TBC1D32: variants seen among roughly 807,000 people sequenced by gnomAD.
TBC1D32 encodes TBC1 domain family member 32.
A neutral mutation model predicts 170.3 loss-of-function variants in TBC1D32; 151 were observed. That is an observed-to-expected ratio of 0.89 (90% confidence interval 0.78 to 1.01). The LOEUF (loss-of-function observed/expected upper bound fraction) is 1.01, where lower values mean the gene tolerates loss of function less well. Among genes scored for constraint, TBC1D32 ranks in the 50% least tolerant of loss-of-function variants. The probability of loss-of-function intolerance (pLI) is 0.00; values close to 1 mark genes in which losing one functional copy is unlikely to be tolerated. For synonymous variants in TBC1D32, 498 were observed against 488.0 expected (o/e 1.02, Z -0.27); for missense variants, 1,464 against 1,457.1 (o/e 1.00, Z -0.08).
chr6:121,278,353 A>T (rs1802523499), intron 15 of TBC1D32, among the ~76,000 whole-genome samples: 1 of 152,168 alleles, frequency 6.6e-6, no homozygotes, highest in African/African-American at 2.4e-5. Context: ...AATAAATATT[A>T]GCAAATGAAA....
At chr6:121,216,758 G>A (rs12055504) in intron 21 of TBC1D32, among the ~76,000 whole-genome samples, 5 of 152,292 alleles carry the variant, frequency 3.3e-5, no homozygotes, top group Admixed American at 3.3e-4. Flanking sequence ...GATGAACTCA[G>A]AGATTCTGTC....
At chr6:121,333,353 TGG>T (rs779160460) in intron 1 of TBC1D32, among the ~76,000 whole-genome samples, 6 of 152,192 alleles carry the variant, frequency 3.9e-5, no homozygotes, top group Non-Finnish European at 8.8e-5. Flanking sequence ...CTACCTCAAA[TGG>T]CACTTCTATC....
chr6:121,250,960 G>A (rs1242800212), intron 17 of TBC1D32, among the ~76,000 whole-genome samples: 2 of 152,048 alleles, frequency 1.3e-5, no homozygotes, highest in Non-Finnish European at 2.9e-5. Context: ...GTCAAATCAT[G>A]AGTGAACTCC....
At chr6:121,213,590 G>A (rs1367000225) in intron 21 of TBC1D32, among the ~76,000 whole-genome samples, 2 of 149,210 alleles carry the variant, frequency 1.3e-5, no homozygotes, top group African/African-American at 4.9e-5. Context: ...CAGCAAACCA[G>A]GAAGATGAAA....
At chr6:121,129,857 G>A (rs1781238858) in intron 25 of TBC1D32, 1 of 429,870 alleles carries the variant, frequency 2.3e-6, no homozygotes, top group Non-Finnish European at 4.6e-6. Flanking sequence ...GAAAGCAACA[G>A]GAAGAACATA....
At chr6:121,196,506 T>C (rs981207711) in intron 22 of TBC1D32, among the ~76,000 whole-genome samples, 2 of 152,194 alleles carry the variant, frequency 1.3e-5, no homozygotes, top group African/African-American at 4.8e-5. Flanking sequence ...GGTTTGCCTA[T>C]CCTGCACACA....
chr6:121,197,287 CA>C (rs1269339702), intron 22 of TBC1D32, among the ~76,000 whole-genome samples: 1 of 152,134 alleles, frequency 6.6e-6, no homozygotes, highest in African/African-American at 2.4e-5. Flanking sequence ...GGCAGGACTA[CA>C]AATGGTCCAG....
At chr6:121,103,801 C>T (rs529099753) in intron 30 of TBC1D32, among the ~76,000 whole-genome samples, 25 of 151,718 alleles carry the variant, frequency 1.6e-4, no homozygotes, top group Non-Finnish European at 2.7e-4. Flanking sequence ...ATTACACTAA[C>T]GTAGATTAGA....
chr6:121,266,028 T>C (rs532439562), intron 15 of TBC1D32, among the ~76,000 whole-genome samples: 1 of 152,140 alleles, frequency 6.6e-6, no homozygotes, highest in East Asian at 1.9e-4. Context: ...GATTTTATGA[T>C]GAAATCGCAA....
chr6:121,177,370 A>G (rs895374885), intron 22 of TBC1D32, among the ~76,000 whole-genome samples: 4 of 152,122 alleles, frequency 2.6e-5, no homozygotes, highest in Non-Finnish European at 4.4e-5. Context: ...CCTGCCATGT[A>G]GGACGCTTGC....
chr6:121,114,025 T>G (rs1406304283), intron 27 of TBC1D32, among the ~76,000 whole-genome samples: 2 of 152,000 alleles, frequency 1.3e-5, no homozygotes, highest in Non-Finnish European at 2.9e-5. Flanking sequence ...AATACAAAAA[T>G]TAGCTGGGCA....
chr6:121,236,502 A>G (rs1796342830), intron 20 of TBC1D32, among the ~76,000 whole-genome samples: 1 of 152,120 alleles, frequency 6.6e-6, no homozygotes, highest in Non-Finnish European at 1.5e-5. Context: ...TAAAAGACCA[A>G]ATTAGATTAT....
rs530144151 is a variant in TBC1D32 at position 121,291,849 on chromosome 6, T to TAA, written c.1372+202_1372+203dup. 5.8e-4 allele frequency among the ~76,000 whole-genome samples: 85 copies of TAA among 145,962 alleles called. 1 individual carries two copies. In the East Asian group the frequency reaches 0.012, roughly 21 times the overall value. On this transcript the variant is annotated intron_variant, in intron 12 of 31. Transcript: ENST00000398212. The stretch of plus-strand genomic sequence containing the variant: ...TCCCTAAAGGCTGAAGGAATAATAA[T>TAA]AAAAAAAAAATACATGTAGAAAGAA...
At chr6:121,118,201 T>C (rs888283696) in intron 26 of TBC1D32, among the ~76,000 whole-genome samples, 4 of 152,106 alleles carry the variant, frequency 2.6e-5, no homozygotes, top group African/African-American at 9.7e-5. Flanking sequence ...AGACATAGAC[T>C]TAAAAATATT....
At chr6:121,254,088 C>T (rs1422550661) in intron 17 of TBC1D32, among the ~76,000 whole-genome samples, 1 of 151,878 alleles carries the variant, frequency 6.6e-6, no homozygotes, top group Non-Finnish European at 1.5e-5. Flanking sequence ...TCTTTTGCAC[C>T]AAGTTGGATG....
rs114838725 is a variant in TBC1D32 at position 121,242,288 on chromosome 6, G to C, written c.2070C>G (p.Thr690=). 6.2e-7 allele frequency: 1 copy of C among 1,612,382 alleles called. No individual in the cohort carries two copies. The highest frequency in any genetic ancestry group is 1.3e-5 in the African/African-American group (1 of 74,800). ...TTTGAAGAAGTAGTAATCCTTTGGG[G>C]GTGGCAGCAAAATGTAGTAAATCAT... ...LLDDLLHFAA[T]PKGLLLLQRT... Residue 690 remains threonine (T), a synonymous_variant, in exon 18 of 32, where the codon ACC becomes ACG. Transcript: ENST00000398212.
At chr6:121,202,518 G>A (rs1012997316) in intron 22 of TBC1D32, among the ~76,000 whole-genome samples, 1 of 151,336 alleles carries the variant, frequency 6.6e-6, no homozygotes, top group Non-Finnish European at 1.5e-5. Context: ...TAAAGTCAAT[G>A]TCAAATCAAA....
chr6:121,182,472 T>C (rs1788657521), intron 22 of TBC1D32, among the ~76,000 whole-genome samples: 1 of 152,080 alleles, frequency 6.6e-6, no homozygotes, highest in African/African-American at 2.4e-5. Context: ...TAAGATTTGA[T>C]ATCAGCTAAA....
chr6:121,267,057 C>T (rs947444286), intron 15 of TBC1D32, among the ~76,000 whole-genome samples: 4 of 145,864 alleles, frequency 2.7e-5, no homozygotes, highest in African/African-American at 1.0e-4. Context: ...GCACATGTAT[C>T]CTGGAACTTA....
Sources: gnomAD v4.1 joint callset for allele counts (sites outside exome capture counted in the v4.1 genomes callset) on GRCh38, gnomAD v4.1.1 for gene constraint, MANE v1.5 for transcripts, NCBI Gene and HGNC (gene_info 2026-07-23, HGNC 2026-07-21) for gene names.